TBC1D4: variants seen among roughly 807,000 people sequenced by gnomAD.
The protein encoded by TBC1D4 is TBC1 domain family member 4, also known as TBC (Tre-2, BUB2, CDC16) domain-containing protein.
A neutral mutation model predicts 142.5 loss-of-function variants in TBC1D4; 121 were observed. The observed-to-expected ratio is 0.85, with a 90% CI of 0.73 to 0.99. The LOEUF is 0.99. TBC1D4 is among the 50% of genes least tolerant of loss of function. TBC1D4 has a pLI of 0.00. For synonymous variants in TBC1D4, 630 were observed against 628.2 expected, an observed-to-expected ratio of 1.00 and a Z score of -0.04; for missense variants, 1,475 against 1,606.6, an observed-to-expected ratio of 0.92 and a Z score of 1.40.
intron 1 of TBC1D4, among the ~76,000 whole-genome samples, chr13:75,391,749 G>A (rs1433203592): frequency 1.3e-5 from 2 of 152,104 alleles, no homozygotes; most frequent in African/African-American, 2.4e-5. Flanking sequence ...TGCACCATCT[G>A]ATGCCCTACT....
intron 1 of TBC1D4, among the ~76,000 whole-genome samples, chr13:75,378,029 C>T (rs1170614315): frequency 6.6e-6 from 1 of 151,972 alleles, no homozygotes; most frequent in Non-Finnish European, 1.5e-5. Flanking sequence ...ATTACAATTA[C>T]TGTAATATGT....
Position 75,302,493 on chromosome 13 carries a change from G to A in TBC1D4, c.2753-92C>T, listed in dbSNP as rs543145. 2,216 of 1,471,598 alleles carry A rather than the reference G, an allele frequency of 1.5e-3. 29 individuals carry two copies. The African/African-American group carries it at 0.028, about 18-fold the overall frequency. The allele number at this position is 1,471,598 out of a possible 1,614,324, so 91.2% of individuals were successfully genotyped here. On this transcript the variant is annotated intron_variant, in intron 15 of 20. Coordinates refer to ENST00000377636, the MANE Select transcript of TBC1D4 (RefSeq NM_014832.5). Reference sequence around the variant, plus strand: ...TTCACTATATAATTCTGGTAAACAGGCAGCTGTATGTACTGCATGCCACCC... The same window carrying A: ...TTCACTATATAATTCTGGTAAACAGACAGCTGTATGTACTGCATGCCACCC...
chr13:75,405,516 C>A lies in TBC1D4; in HGVS notation c.499-42909G>T, dbSNP rs972880030. On this transcript the variant is annotated intron_variant, in intron 1 of 20. Transcript: ENST00000377636. ...CGAACTCCTGAGTTCAGGCAATATG[C>A]CCGCCTTGGCCTCCCAAAGTGCTAA... Among the ~76,000 whole-genome samples, 7 of 152,140 alleles carry A rather than the reference C, an allele frequency of 4.6e-5. No homozygotes were observed. In the East Asian group the frequency reaches 1.2e-3, roughly 25 times the overall value.
At chr13:75,392,539 A>G (rs1450956763) in intron 1 of TBC1D4, among the ~76,000 whole-genome samples, 2 of 151,972 alleles carry the variant, frequency 1.3e-5, no homozygotes, top group African/African-American at 4.8e-5. Context: ...TCATACACTG[A>G]AGACATTTTC....
In TBC1D4 at chr13:75,359,853, C is replaced by T. The variant is rs755439901; in HGVS notation, c.1086G>A (p.Gly362=). The part of the protein sequence containing the change: ...EKNRTMLFQV[G]RFEINLISPD... ...GACTGATAAGGTTAATCTCAAATCG[C>T]CCAACCTTAAAAATAAAAGCATTCC... The change falls in exon 3 of 21, where the codon GGG becomes GGA. Residue 362 remains glycine, a synonymous_variant. Transcript: ENST00000377636. 21 of 1,613,154 alleles carry T rather than the reference C, an allele frequency of 1.3e-5. No individual in the cohort carries two copies. In the South Asian group the frequency reaches 2.0e-4, roughly 15 times the overall value.
chr13:75,432,682 A>T (rs1314808595), intron 1 of TBC1D4, among the ~76,000 whole-genome samples: 3 of 152,204 alleles, frequency 2.0e-5, no homozygotes, highest in Non-Finnish European at 4.4e-5. Context: ...AAAGGAACTA[A>T]TATTTTCAAG....
intron 1 of TBC1D4, among the ~76,000 whole-genome samples, chr13:75,412,350 A>G (rs950066404): frequency 1.3e-5 from 2 of 152,134 alleles, no homozygotes; most frequent in African/African-American, 4.8e-5. Flanking sequence ...TGGTGCAATC[A>G]TGGCCCACTG....
rs2138154131 is a variant in TBC1D4 at position 75,429,690 on chromosome 13, T to C, written c.498+51580A>G. Among the ~76,000 whole-genome samples, 7 of 151,784 alleles carry C rather than the reference T, an allele frequency of 4.6e-5. No individual in the cohort carries two copies. The South Asian group carries it at 1.5e-3, about 32-fold the overall frequency. ...AACCACTACTCTTTTAAAAAAGTAT[T>C]GGGGGAGAAAAGAAAAAACAAAACA... On this transcript the variant is annotated intron_variant, in intron 1 of 20. Transcript: ENST00000377636.
At chr13:75,445,707 A>C (rs1408060656) in intron 1 of TBC1D4, among the ~76,000 whole-genome samples, 1 of 152,232 alleles carries the variant, frequency 6.6e-6, no homozygotes, top group Non-Finnish European at 1.5e-5. Flanking sequence ...TGTGACATAC[A>C]TTGATTTAAG....
At chr13:75,333,918 T>A (rs1051162637) in intron 8 of TBC1D4, among the ~76,000 whole-genome samples, 3 of 152,192 alleles carry the variant, frequency 2.0e-5, no homozygotes, top group Admixed American at 1.3e-4. Flanking sequence ...CTTGATTAGA[T>A]TCAAGCACTG....
At chr13:75,331,948 T>A (rs1224776012) in intron 8 of TBC1D4, among the ~76,000 whole-genome samples, 2 of 151,854 alleles carry the variant, frequency 1.3e-5, no homozygotes, top group African/African-American at 4.8e-5. Flanking sequence ...AAAAGTGCAA[T>A]CTGTTGCACA....
At chr13:75,378,694 C>T (rs1455995144) in intron 1 of TBC1D4, among the ~76,000 whole-genome samples, 1 of 152,006 alleles carries the variant, frequency 6.6e-6, no homozygotes, top group Non-Finnish European at 1.5e-5. Flanking sequence ...CCTATTACTT[C>T]CACTGTGAAA....
chr13:75,435,953 T>C (rs574397747), intron 1 of TBC1D4, among the ~76,000 whole-genome samples: 178 of 151,900 alleles, frequency 1.2e-3, no homozygotes, highest in Non-Finnish European at 2.0e-3. Context: ...GAAAAGAAAG[T>C]TCTATTTTAT....
At chr13:75,398,015 AG>A (rs1365581930) in intron 1 of TBC1D4, among the ~76,000 whole-genome samples, 8 of 152,230 alleles carry the variant, frequency 5.3e-5, no homozygotes, top group African/African-American at 1.9e-4. Flanking sequence ...CCACGCTGTG[AG>A]GAAGGCCAAG....
intron 1 of TBC1D4, among the ~76,000 whole-genome samples, chr13:75,384,933 G>A (rs1451045313): frequency 1.3e-5 from 2 of 152,054 alleles, no homozygotes; most frequent in Non-Finnish European, 2.9e-5. Context: ...GCTTCTTTCA[G>A]CCCAGTGAAT....
chr13:75,352,795 T>C (rs184101395), intron 4 of TBC1D4, among the ~76,000 whole-genome samples: 1 of 152,326 alleles, frequency 6.6e-6, no homozygotes, highest in Admixed American at 6.5e-5. Flanking sequence ...TGTGTATTCT[T>C]GGTACTCAGA....
chr13:75,459,304 T>A (rs1018764233), intron 1 of TBC1D4, among the ~76,000 whole-genome samples: 3 of 152,216 alleles, frequency 2.0e-5, no homozygotes, highest in Non-Finnish European at 4.4e-5. Context: ...TCATTCTCAA[T>A]TTCCTGTTGA....
intron 8 of TBC1D4, among the ~76,000 whole-genome samples, chr13:75,335,473 T>C (rs1477791133): frequency 1.3e-5 from 2 of 152,198 alleles, no homozygotes; most frequent in Non-Finnish European, 2.9e-5. Flanking sequence ...TAATTTATAC[T>C]TTTTTCAGCA....
intron 4 of TBC1D4, among the ~76,000 whole-genome samples, chr13:75,350,680 T>G (rs1881520238): frequency 6.6e-6 from 1 of 152,192 alleles, no homozygotes. Context: ...TTTTAAACAC[T>G]GAAGGGGTTA....
Sources: gnomAD v4.1 joint callset for allele counts (sites outside exome capture counted in the v4.1 genomes callset) on GRCh38, gnomAD v4.1.1 for gene constraint, MANE v1.5 for transcripts, NCBI Gene and HGNC (gene_info 2026-07-23, HGNC 2026-07-21) for gene names.